Variants in RPS7 observed in about 807,000 individuals in gnomAD.
RPS7 encodes the protein small ribosomal subunit protein eS7.
In RPS7, 1 loss-of-function variant was observed where a neutral mutation model predicts 22.1. The ratio of observed to expected loss-of-function variants is 0.05; its 90% confidence interval spans 0.02 to 0.21. The LOEUF is 0.21. Ranked by LOEUF, RPS7 falls within the 10% of genes least tolerant of loss-of-function variation. The probability of loss-of-function intolerance (pLI) is 1.00; values close to 1 mark genes in which losing one functional copy is unlikely to be tolerated. For synonymous variants in RPS7, 80 were observed against 92.0 expected, an observed-to-expected ratio of 0.87 and a Z score of 0.74; for missense variants, 137 against 246.4, an observed-to-expected ratio of 0.56 and a Z score of 2.97.
chr2:3,575,552 T>C (rs2147819027), intron 1 of RPS7, 40 bp from the exon 2 acceptor site: 2 of 1,482,092 alleles, frequency 1.3e-6, no homozygotes, highest in Non-Finnish European at 1.9e-6. Flanking sequence ...CAGCGGCGCC[T>C]GCAGCCCGGG....
intron 5 of RPS7, 95 bp downstream of exon 5, chr2:3,577,869 T>A: frequency 1.2e-6 from 1 of 859,670 alleles, no homozygotes; most frequent in Non-Finnish European, 1.9e-6. Flanking sequence ...GATGTTCAAG[T>A]GGGAATTTTT....
At chr2:3,579,926 A>C (rs1661362567) in intron 5 of RPS7, 184 bp from the exon 6 acceptor site, 2 of 658,246 alleles carry the variant, frequency 3.0e-6, no homozygotes, top group Non-Finnish European at 5.4e-6. Context: ...CTATTACCCT[A>C]TTCTAGGTAG....
intron 4 of RPS7, 179 bp from the exon 5 acceptor site, chr2:3,577,531 C>T (rs997457378): frequency 1.6e-6 from 1 of 611,050 alleles, no homozygotes; most frequent in African/African-American, 1.9e-5. Context: ...ATTCAAGAAT[C>T]AGGAAGTAAC....
At chr2:3,576,094 C>T (rs1661272268) in intron 3 of RPS7, 1 of 623,450 alleles carries the variant, frequency 1.6e-6, no homozygotes. Context: ...AAGCTGTCCA[C>T]ATGCGGGCGG....
chr2:3,576,386 C>G, intron 3 of RPS7, 101 bp from the exon 4 acceptor site: 1 of 984,170 alleles, frequency 1.0e-6, no homozygotes, highest in African/African-American at 1.6e-5. Flanking sequence ...GTTTGTAGTG[C>G]AGCTACGGTG....
At chr2:3,578,513 G>T (rs971931594) in intron 5 of RPS7, 1 of 152,134 alleles carries the variant, frequency 6.6e-6, no homozygotes, top group African/African-American at 2.4e-5. Context: ...TACTAGTAGT[G>T]CTAAGAATGT....
Position 3,575,358 on chromosome 2 carries a change from G to C in RPS7, c.-19+8G>C. 1 of 547,466 alleles carries C rather than the reference G, an allele frequency of 1.8e-6. No homozygotes were observed. Among genetic ancestry groups the C allele is most frequent in the Non-Finnish European group, 3.2e-6 (1 of 309,702 alleles). The allele number at this position is 547,466 out of a possible 1,614,324, so 33.9% of individuals were successfully genotyped here. On this transcript the variant is annotated splice_region_variant and intron_variant, in intron 1 of 6. Coordinates refer to ENST00000645674, the MANE Select transcript of RPS7 (RefSeq NM_001011.4). ...AAGCCGGCGCTCGGCAAGGTAGGTT[G>C]GCGGCCTGCTCTCCGACAGAACTTT...
chr2:3,575,470 C>G, intron 1 of RPS7, 120 bp downstream of exon 1: 1 of 693,356 alleles, frequency 1.4e-6, no homozygotes, highest in East Asian at 2.7e-5. Flanking sequence ...GCCGATTACC[C>G]GCCCTGTGCT....
At position 3,580,133 on chromosome 2, in the gene RPS7, A is replaced by G; in HGVS notation, c.380A>G (p.Asp127Gly). Residue 127 changes from aspartate to glycine, a missense_variant, in exon 6 of 7, where the codon GAT (aspartate) becomes GGT (glycine). This residue lies in a region of RPS7 where 74 missense variants were observed against 171.4 expected (regional missense o/e 0.43). Transcript: ENST00000645674. ...PRSRTLTAVH[D>G]AILEDLVFPS... ...AGCCGTACTCTGACAGCTGTGCACG[A>G]TGCCATCCTTGAGGACTTGGTCTTC... 6.2e-7 allele frequency: 1 copy of G among 1,613,794 alleles called. No individual in the cohort carries two copies. Among genetic ancestry groups the G allele is most frequent in the Non-Finnish European group, 8.5e-7 (1 of 1,179,838 alleles).
chr2:3,576,951 C>T, intron 4 of RPS7: 1 of 371,562 alleles, frequency 2.7e-6, no homozygotes, highest in East Asian at 6.4e-5. Context: ...TGTAAAGTGA[C>T]AGACTGCTGT....
intron 4 of RPS7, chr2:3,576,917 AATTAAG>A (rs1283292084): frequency 2.8e-5 from 12 of 428,614 alleles, no homozygotes; most frequent in Non-Finnish European, 4.8e-5. Context: ...TACGTTCTTT[AATTAAG>A]AGTCGAAACA....
At chr2:3,576,883 T>A in intron 4 of RPS7, 1 of 532,738 alleles carries the variant, frequency 1.9e-6, no homozygotes, top group Admixed American at 3.2e-5. Context: ...ATAGAAAAAA[T>A]AAGTTTTAAA....
Position 3,576,640 on chromosome 2 carries a change from C to G in RPS7, c.291+10C>G. 6.2e-7 allele frequency: 1 copy of G among 1,614,132 alleles called. No homozygotes were observed. The highest frequency in any genetic ancestry group is 8.5e-7 in the Non-Finnish European group (1 of 1,179,998). ...CGTCTTTATCGCTCAGGTATCTGTT[C>G]TACTGTTGCAGCACGTTTCTGTTTG... On this transcript the variant is annotated intron_variant, in intron 4 of 6. Transcript: ENST00000645674.
At chr2:3,575,522 G>C (rs985520738) in intron 1 of RPS7, 70 bp from the exon 2 acceptor site, 1 of 1,074,944 alleles carries the variant, frequency 9.3e-7, no homozygotes, top group South Asian at 1.3e-5. Flanking sequence ...TGGCCGGGGG[G>C]TGCGGGCGGG....
chr2:3,575,947 C>T, intron 3 of RPS7, 59 bp downstream of exon 3: 2 of 1,280,096 alleles, frequency 1.6e-6, no homozygotes, highest in East Asian at 2.4e-5. Context: ...CGCGCAGTGC[C>T]TGAGAGGGTT....
intron 3 of RPS7, 184 bp from the exon 4 acceptor site, chr2:3,576,303 G>A (rs2147819736): frequency 4.4e-6 from 3 of 682,978 alleles, no homozygotes; most frequent in East Asian, 2.7e-5. Context: ...CTGGAATAAG[G>A]AAATGTGAAG....
chr2:3,577,656 T>A (rs1661314370), intron 4 of RPS7, 54 bp from the exon 5 acceptor site: 2 of 1,331,048 alleles, frequency 1.5e-6, no homozygotes, highest in East Asian at 4.6e-5. Context: ...TTACAGCTTT[T>A]TGTCAATTTA....
chr2:3,576,773 G>C (rs1281225054), intron 4 of RPS7, 143 bp downstream of exon 4: 1 of 1,099,774 alleles, frequency 9.1e-7, no homozygotes, highest in South Asian at 1.2e-5. Flanking sequence ...CAGGCAGAGC[G>C]CCGTGGCTTA....
rs115700025 is a variant in RPS7, at chr2:3,575,962, C to T, written c.147+74C>T. ...CGCGCAGTGCCTGAGAGGGTTGGAC[C>T]TGGGTTACGGTTGATGATGACTTGC... On this transcript the variant is annotated intron_variant, in intron 3 of 6. Coordinates refer to ENST00000645674, the MANE Select transcript of RPS7 (RefSeq NM_001011.4). The T allele has an allele frequency of 8.5e-4, 936 of 1,100,084 alleles. 9 individuals carry two copies. The African/African-American group carries it at 0.013, about 16-fold the overall frequency. The allele number at this position is 1,100,084 out of a possible 1,614,324, so 68.1% of individuals were successfully genotyped here.
Sources: gnomAD v4.1 joint callset for allele counts on GRCh38, gnomAD v4.1.1 for gene constraint, gnomAD v4.1.1 regional missense constraint, MANE v1.5 for transcripts, NCBI Gene and HGNC (gene_info 2026-07-23, HGNC 2026-07-21) for gene names.